VIPR2: variants seen among roughly 807,000 people sequenced by gnomAD.
VIPR2 encodes the protein vasoactive intestinal polypeptide receptor 2.
VIPR2 carries 48 observed loss-of-function variants against 58.0 expected under a neutral mutation model. The ratio of observed to expected loss-of-function variants is 0.83; its 90% CI spans 0.66 to 1.05. The LOEUF (loss-of-function observed/expected upper bound fraction) is 1.05. Ranked by LOEUF, VIPR2 falls within the 50% of genes least tolerant of loss-of-function variation. The pLI, the probability that VIPR2 is intolerant of heterozygous loss-of-function variation, is 0.00. For synonymous variants in VIPR2, 243 were observed against 235.2 expected (o/e 1.03, Z -0.30); for missense variants, 534 against 558.0 (o/e 0.96, Z 0.43).
chr7:159,052,684 A>G (rs1200851921), intron 5 of VIPR2, among the ~76,000 whole-genome samples: 5 of 152,232 alleles, frequency 3.3e-5, no homozygotes, highest in South Asian at 2.1e-4. Context: ...TATTAAAAAC[A>G]TAATATATCA....
At chr7:159,143,911 G>C (rs1797578076) in intron 1 of VIPR2, among the ~76,000 whole-genome samples, 2 of 152,246 alleles carry the variant, frequency 1.3e-5, no homozygotes, top group African/African-American at 4.8e-5. Flanking sequence ...AGGCCAGGGA[G>C]TGTGGCTCGA....
rs150479209 is a variant in VIPR2, at chr7:159,065,170, G to T, written c.358-6592C>A. ...AGTGGAAGATCTGAGAGCTGAGAGA[G>T]AAGTGTCTGGATGTGTCTGTGTTTC... On this transcript the variant is annotated intron_variant, in intron 4 of 12. Transcript: ENST00000262178. 7.4e-3 allele frequency among the ~76,000 whole-genome samples: 1,127 copies of T among 152,340 alleles called. 7 individuals carry two copies. Among genetic ancestry groups the T allele is most frequent in the Middle Eastern group, 0.01 (3 of 294 alleles).
In VIPR2 at chr7:159,093,458, C is replaced by T. The variant is rs1034883328; in HGVS notation, c.357+10299G>A. 5.3e-5 allele frequency among the ~76,000 whole-genome samples: 8 copies of T among 152,156 alleles called. No homozygotes were observed. The highest frequency in any genetic ancestry group is 8.8e-5 in the Non-Finnish European group (6 of 68,024). The stretch of plus-strand genomic sequence containing the variant: ...TGTGGCTGGAGCTCACTCTCACTGC[C>T]GGAAGTGAGGAGCCTCTCCAACTCA... On this transcript the variant is annotated intron_variant, in intron 4 of 12. Coordinates refer to ENST00000262178, the MANE Select transcript of VIPR2 (RefSeq NM_003382.5). This position sits in a 1 kb window ranked among gnomAD's most constrained non-coding sequence, Gnocchi z 6.7.
At chr7:159,069,102 C>T (rs1309932805) in intron 4 of VIPR2, among the ~76,000 whole-genome samples, 1 of 152,150 alleles carries the variant, frequency 6.6e-6, no homozygotes, top group African/African-American at 2.4e-5. Flanking sequence ...AGGTACTCCT[C>T]ACAGGGCTTC....
chr7:159,051,603 A>G (rs933213619), intron 5 of VIPR2, among the ~76,000 whole-genome samples: 16 of 152,228 alleles, frequency 1.1e-4, no homozygotes, highest in African/African-American at 3.6e-4. Flanking sequence ...AAGATTGTAG[A>G]CAAAAAGCAA....
At chr7:159,061,863 G>A (rs947034699) in intron 4 of VIPR2, among the ~76,000 whole-genome samples, 1 of 152,102 alleles carries the variant, frequency 6.6e-6, no homozygotes, top group Admixed American at 6.5e-5. Context: ...GCTGTGCGGG[G>A]AAGCCAGGCC....
chr7:159,126,206 C>T (rs1204118970), intron 2 of VIPR2, among the ~76,000 whole-genome samples: 2 of 152,272 alleles, frequency 1.3e-5, no homozygotes, highest in Admixed American at 6.5e-5. Context: ...TTTCAGGTGG[C>T]CAATTACAAA....
intron 2 of VIPR2, among the ~76,000 whole-genome samples, chr7:159,123,639 A>G (rs1174985872): frequency 6.6e-6 from 1 of 152,228 alleles, no homozygotes; most frequent in Non-Finnish European, 1.5e-5. Flanking sequence ...TCTTTATGGT[A>G]GAATGATTTA....
chr7:159,119,552 T>G (rs1796374817), intron 2 of VIPR2, among the ~76,000 whole-genome samples: 1 of 152,132 alleles, frequency 6.6e-6, no homozygotes, highest in Non-Finnish European at 1.5e-5. Flanking sequence ...GGCAAACCCC[T>G]CCTAGGGCAC....
intron 8 of VIPR2, chr7:159,035,715 C>T: frequency 2.0e-6 from 2 of 985,460 alleles, no homozygotes; most frequent in Non-Finnish European, 2.4e-6. Context: ...TTATCCCAAT[C>T]TCAACTATGC....
rs899468114 is a variant in VIPR2, at chr7:159,030,505, T to G, written c.*111A>C. The G allele has an allele frequency of 9.5e-6, 13 of 1,371,416 alleles. No individual in the cohort carries two copies. In the East Asian group the frequency reaches 3.2e-4, roughly 34 times the overall value. 85.0% of individuals were successfully genotyped at this position (1,371,416 alleles called of 1,614,324 possible). ...CAGCTTGACGGAGTCAGGACCGCGCTGACCTGCCCGACACGGTGCTCGGGC... is the reference window on the plus strand; with the variant it reads ...CAGCTTGACGGAGTCAGGACCGCGCGGACCTGCCCGACACGGTGCTCGGGC... On this transcript the variant is annotated 3_prime_UTR_variant, in exon 13 of 13. Coordinates refer to ENST00000262178, the MANE Select transcript of VIPR2 (RefSeq NM_003382.5).
intron 1 of VIPR2, chr7:159,144,172 T>C: frequency 2.3e-6 from 2 of 875,656 alleles, no homozygotes; most frequent in Non-Finnish European, 3.1e-6. Flanking sequence ...GAACTCCATG[T>C]GCGAAGGCAC....
At chr7:159,079,750 A>T (rs1427541600) in intron 4 of VIPR2, among the ~76,000 whole-genome samples, 1 of 152,224 alleles carries the variant, frequency 6.6e-6, no homozygotes, top group African/African-American at 2.4e-5. Context: ...AGAGAGAAGA[A>T]TCAAATAGAC....
At position 159,039,573 on chromosome 7, in the gene VIPR2, C is replaced by G. The variant is rs538904415; in HGVS notation, c.598-2671G>C. Among the ~76,000 whole-genome samples, 43 of 96,716 alleles carry G rather than the reference C, an allele frequency of 4.4e-4. 1 individual carries two copies. The South Asian group carries it at 0.014, about 33-fold the overall frequency. The allele number at this position is 96,716 out of a possible 152,430, so 63.4% of individuals were successfully genotyped here. ...GCTGCCAGAATTCACATGTTGAAGC[C>G]CCACCCGCTGTGGGAGGGTGTTAGT... is the stretch of plus-strand genomic sequence containing the variant. On this transcript the variant is annotated intron_variant, in intron 6 of 12. Coordinates refer to ENST00000262178, the MANE Select transcript of VIPR2 (RefSeq NM_003382.5).
At chr7:159,033,052 T>A (rs999250018) in intron 10 of VIPR2, among the ~76,000 whole-genome samples, 1 of 152,148 alleles carries the variant, frequency 6.6e-6, no homozygotes, top group Non-Finnish European at 1.5e-5. Context: ...GATTCTCTGG[T>A]TTACCAGACT....
chr7:159,087,970 A>T (rs1857278016), intron 4 of VIPR2, among the ~76,000 whole-genome samples: 1 of 152,112 alleles, frequency 6.6e-6, no homozygotes, highest in African/African-American at 2.4e-5. Flanking sequence ...AAGTGGGGGC[A>T]CTCCCTATCC....
rs1563355306 is a variant in VIPR2 at position 159,132,861 on chromosome 7, TTA to T, written c.151+9583_151+9584del. ...AGAATGATTGGCATACCGATTGATT[TTA>T]GACAGAATGATTGGCATACAGATTG... On this transcript the variant is annotated intron_variant, in intron 2 of 12. Transcript: ENST00000262178. Among the ~76,000 whole-genome samples, 1,179 of 128,032 alleles carry T rather than the reference TTA, an allele frequency of 9.2e-3. 45 individuals carry two copies. The highest frequency in any genetic ancestry group is 0.014 in the Non-Finnish European group (784 of 55,836). 84.0% of individuals were successfully genotyped at this position (128,032 alleles called of 152,430 possible). A position where few individuals can be genotyped will look rare whatever the true frequency, so the allele number is the denominator to read the frequency against.
chr7:159,105,755 C>T (rs1247218090), intron 3 of VIPR2, among the ~76,000 whole-genome samples: 1 of 152,220 alleles, frequency 6.6e-6, no homozygotes, highest in Non-Finnish European at 1.5e-5. Flanking sequence ...CTAAAGCAGG[C>T]AAGCCTCCTA....
intron 6 of VIPR2, among the ~76,000 whole-genome samples, chr7:159,039,393 G>A (rs371328124): frequency 6.6e-6 from 1 of 152,146 alleles, no homozygotes; most frequent in Non-Finnish European, 1.5e-5. Flanking sequence ...CATGAGAATC[G>A]CCTGAACCTG....
Sources: allele counts gnomAD v4.1 joint callset (sites outside exome capture counted in the v4.1 genomes callset), GRCh38; gene constraint gnomAD v4.1.1; non-coding constraint Gnocchi (gnomAD v3.1); transcripts MANE v1.5; gene names NCBI Gene and HGNC (gene_info 2026-07-23, HGNC 2026-07-21).